The following LRMDA variants were observed in gnomAD, a reference collection of about 807,000 sequenced individuals.
The protein encoded by LRMDA is leucine rich melanocyte differentiation associated.
A neutral mutation model predicts 29.8 loss-of-function variants in LRMDA; 18 were observed. The ratio of observed to expected loss-of-function variants is 0.60; its 90% confidence interval spans 0.42 to 0.90. The LOEUF is 0.90. LRMDA is among the 40% of genes least tolerant of loss of function. The pLI, the probability that LRMDA is intolerant of heterozygous loss-of-function variation, is 0.00. For missense variants in LRMDA, 273 were observed against 273.9 expected (o/e 1.00, Z 0.02); for synonymous variants, 125 against 109.4 (o/e 1.14, Z -0.89).
chr10:76,329,456 C>T (rs1285195682), intron 6 of LRMDA, among the ~76,000 whole-genome samples: 2 of 152,128 alleles, frequency 1.3e-5, no homozygotes, highest in Non-Finnish European at 1.5e-5. Flanking sequence ...GTTAGCTTGC[C>T]ATATTAAACA....
intron 2 of LRMDA, among the ~76,000 whole-genome samples, chr10:75,477,736 C>T (rs941493666): frequency 6.6e-6 from 1 of 152,242 alleles, no homozygotes; most frequent in Non-Finnish European, 1.5e-5. Flanking sequence ...GTTCCCACCA[C>T]AAGCAGTCCC....
intron 2 of LRMDA, among the ~76,000 whole-genome samples, chr10:75,846,177 T>TGTGTGTGTG (rs1844633347): frequency 1.5e-4 from 21 of 142,976 alleles, no homozygotes; most frequent in African/African-American, 5.6e-4. Context: ...GTGTGTGTGT[T>TGTGTGTGTG]TGTGTGTGTG....
intron 6 of LRMDA, among the ~76,000 whole-genome samples, chr10:76,474,517 C>G (rs1554823082): frequency 6.6e-6 from 1 of 151,362 alleles, no homozygotes; most frequent in Non-Finnish European, 1.5e-5. Flanking sequence ...ACACCTATAA[C>G]TCAATAATAA....
In LRMDA at chr10:75,476,807, TA is replaced by T. The variant is rs1844798983; in HGVS notation, c.131+38316del. ...CACAGACTTGGTGGCTTAAACAACA[TA>T]AATTTATTTTCTCACAGTTCTGTAG... On this transcript the variant is annotated intron_variant, in intron 2 of 6. Coordinates refer to ENST00000611255, the MANE Select transcript of LRMDA (RefSeq NM_001305581.2). Among the ~76,000 whole-genome samples, 3 of 152,142 alleles carry T rather than the reference TA, an allele frequency of 2.0e-5. No homozygotes were observed. In the South Asian group the frequency reaches 6.2e-4, roughly 32 times the overall value.
intron 6 of LRMDA, among the ~76,000 whole-genome samples, chr10:76,328,270 C>T (rs151276412): frequency 2.0e-5 from 3 of 152,272 alleles, no homozygotes; most frequent in African/African-American, 7.2e-5. Context: ...ACAGGACATG[C>T]CCCAGCGTGC....
At chr10:76,102,302 G>A (rs896095564) in intron 5 of LRMDA, among the ~76,000 whole-genome samples, 3 of 152,040 alleles carry the variant, frequency 2.0e-5, no homozygotes, top group Non-Finnish European at 2.9e-5. Context: ...GGTAAACCGC[G>A]TTGTTGTGGG....
rs1491317397 is a variant in LRMDA, at chr10:76,285,432, TTA to T, written c.517-38968_517-38967del. 5.0e-5 allele frequency among the ~76,000 whole-genome samples: 5 copies of T among 100,428 alleles called. 1 individual carries two copies. The highest frequency in any genetic ancestry group is 2.7e-4 in the African/African-American group (5 of 18,574). The allele number at this position is 100,428 out of a possible 152,430, so 65.9% of individuals were successfully genotyped here. A position where few individuals can be genotyped will look rare whatever the true frequency, so the allele number is the denominator to read the frequency against. On this transcript the variant is annotated intron_variant, in intron 5 of 6. Coordinates refer to ENST00000611255, the MANE Select transcript of LRMDA (RefSeq NM_001305581.2). The stretch of plus-strand genomic sequence containing the variant: ...TGTGAGTGGCTAATTGTGCTAAATA[TTA>T]AAAAAAAAAAAATAGATGTAACCCT...
intron 2 of LRMDA, among the ~76,000 whole-genome samples, chr10:75,701,334 A>C (rs1842305833): frequency 6.6e-6 from 1 of 152,242 alleles, no homozygotes; most frequent in African/African-American, 2.4e-5. Context: ...TTGGACAATC[A>C]AGATGCCCAC....
intron 2 of LRMDA, among the ~76,000 whole-genome samples, chr10:75,785,948 G>C (rs1843464741): frequency 1.3e-5 from 2 of 152,188 alleles, no homozygotes; most frequent in Non-Finnish European, 2.9e-5. Flanking sequence ...ACCAACCCTA[G>C]CTTGGGCCCT....
intron 6 of LRMDA, among the ~76,000 whole-genome samples, chr10:76,413,961 G>A (rs1242592510): frequency 1.3e-5 from 2 of 152,212 alleles, no homozygotes; most frequent in Non-Finnish European, 2.9e-5. Flanking sequence ...AACAAGGACT[G>A]TGAAACACCA....
intron 6 of LRMDA, among the ~76,000 whole-genome samples, chr10:76,348,355 C>T (rs1395007373): frequency 1.3e-5 from 2 of 152,142 alleles, no homozygotes; most frequent in Non-Finnish European, 2.9e-5. Flanking sequence ...AGGAAGCTGC[C>T]ATTATTAGAA....
chr10:76,025,565 C>T (rs1296151989), intron 2 of LRMDA, among the ~76,000 whole-genome samples: 1 of 151,952 alleles, frequency 6.6e-6, no homozygotes, highest in Non-Finnish European at 1.5e-5. Flanking sequence ...ATTTGTATCC[C>T]CAGATGCATG....
At chr10:76,120,515 A>T (rs1278651926) in intron 5 of LRMDA, among the ~76,000 whole-genome samples, 2 of 152,062 alleles carry the variant, frequency 1.3e-5, no homozygotes, top group African/African-American at 2.4e-5. Context: ...TAATTTTCAT[A>T]CTGCGCCATG....
At chr10:75,457,796 GT>G (rs1336286710) in intron 2 of LRMDA, among the ~76,000 whole-genome samples, 1 of 152,222 alleles carries the variant, frequency 6.6e-6, no homozygotes, top group African/African-American at 2.4e-5. Flanking sequence ...TCCTCAGAGT[GT>G]TTCTGGGTTC....
chr10:75,494,787 C>T (rs1223800503), intron 2 of LRMDA, among the ~76,000 whole-genome samples: 1 of 152,140 alleles, frequency 6.6e-6, no homozygotes, highest in African/African-American at 2.4e-5. Context: ...AGGCGTGAGC[C>T]ACCGTGCCTG....
intron 5 of LRMDA, among the ~76,000 whole-genome samples, chr10:76,108,600 A>G (rs1172599161): frequency 1.3e-5 from 2 of 152,214 alleles, no homozygotes; most frequent in Non-Finnish European, 2.9e-5. Context: ...TTGCAATTAC[A>G]GATGATTTTT....
chr10:75,761,346 C>CTTAAATTTAGCCTTAATAT (rs1305670363), intron 2 of LRMDA, among the ~76,000 whole-genome samples: 1 of 152,142 alleles, frequency 6.6e-6, no homozygotes, highest in African/African-American at 2.4e-5. Flanking sequence ...TAATATTATC[C>CTTAAATTTAGCCTTAATAT]AGCCTTAAAA....
chr10:76,437,176 A>G (rs1181293905), intron 6 of LRMDA, among the ~76,000 whole-genome samples: 1 of 152,210 alleles, frequency 6.6e-6, no homozygotes, highest in Non-Finnish European at 1.5e-5. Flanking sequence ...TTGAGTTTAA[A>G]AAGTTGGACA....
At chr10:75,583,555 A>G (rs542024290) in intron 2 of LRMDA, among the ~76,000 whole-genome samples, 2 of 152,256 alleles carry the variant, frequency 1.3e-5, no homozygotes, top group Admixed American at 6.5e-5. Flanking sequence ...CCATGATCCA[A>G]TCATGTCCTA....
Sources: allele counts gnomAD v4.1 joint callset (sites outside exome capture counted in the v4.1 genomes callset), GRCh38; gene constraint gnomAD v4.1.1; transcripts MANE v1.5; gene names NCBI Gene and HGNC (gene_info 2026-07-23, HGNC 2026-07-21).